SCN8A: variants seen among roughly 807,000 people sequenced by gnomAD.
The protein encoded by SCN8A is sodium channel protein type 8 subunit alpha.
In SCN8A, 30 loss-of-function variants were observed where a neutral mutation model predicts 184.1. That is an observed-to-expected ratio of 0.16 (90% CI 0.12 to 0.22). The LOEUF (loss-of-function observed/expected upper bound fraction) is 0.22. SCN8A is among the 10% of genes least tolerant of loss of function. The pLI is 1.00. For missense variants in SCN8A, 1,057 were observed against 2,498.9 expected (o/e 0.42, Z 12.30); for synonymous variants, 852 against 907.0 (o/e 0.94, Z 1.09).
intron 14 of SCN8A, among the ~76,000 whole-genome samples, chr12:51,758,835 A>C (rs545233906): frequency 6.6e-6 from 1 of 152,270 alleles, no homozygotes; most frequent in African/African-American, 2.4e-5. Context: ...TAGGAAGAAA[A>C]GCTTGCCTCA....
rs944418720 is a variant in SCN8A, at chr12:51,769,348, C to T, written c.3372+13C>T. 1.3e-6 allele frequency: 2 copies of T among 1,555,554 alleles called. No homozygotes were observed. The highest frequency in any genetic ancestry group is 1.7e-6 in the Non-Finnish European group (2 of 1,142,888). ...AGGCAGCAAAGATGTAAGGTCCCAG[C>T]CTAGAAACAGCCTTGATCCTGTGTG... On this transcript the variant is annotated intron_variant, in intron 17 of 26. Coordinates refer to ENST00000627620, the MANE Select transcript of SCN8A (RefSeq NM_001330260.2).
At chr12:51,697,525 G>A (rs1941615480) in intron 6 of SCN8A, among the ~76,000 whole-genome samples, 1 of 152,138 alleles carries the variant, frequency 6.6e-6, no homozygotes, top group African/African-American at 2.4e-5. Flanking sequence ...AGCAAAAGAA[G>A]AATCATGTCC....
chr12:51,702,716 G>A, intron 8 of SCN8A, 57 bp from the exon 9 acceptor site: 2 of 1,388,526 alleles, frequency 1.4e-6, no homozygotes, highest in Non-Finnish European at 1.9e-6. Context: ...TTATCTCCAA[G>A]GTCATGGCTG....
chr12:51,608,090 G>A (rs566581251), intron 1 of SCN8A, among the ~76,000 whole-genome samples: 4 of 147,464 alleles, frequency 2.7e-5, no homozygotes, highest in Admixed American at 2.1e-4. Context: ...GCGTGATCTC[G>A]GCTCACTGCA....
chr12:51,604,458 C>G (rs929410558), intron 1 of SCN8A, among the ~76,000 whole-genome samples: 1 of 152,032 alleles, frequency 6.6e-6, no homozygotes, highest in African/African-American at 2.4e-5. Flanking sequence ...ACCACACGGT[C>G]TCTTTTTTCC....
chr12:51,734,370 A>G (rs913445945), intron 12 of SCN8A, among the ~76,000 whole-genome samples: 3 of 152,236 alleles, frequency 2.0e-5, no homozygotes, highest in Admixed American at 2.0e-4. Flanking sequence ...CAAACCAGTC[A>G]TTAGCATTAC....
At chr12:51,644,053 A>AT (rs1387820599) in intron 1 of SCN8A, among the ~76,000 whole-genome samples, 1 of 152,216 alleles carries the variant, frequency 6.6e-6, no homozygotes, top group South Asian at 2.1e-4. Context: ...TTGATGATAG[A>AT]TTTTGAGTCA....
At chr12:51,664,188 A>G (rs1234961182) in intron 2 of SCN8A, among the ~76,000 whole-genome samples, 7 of 151,712 alleles carry the variant, frequency 4.6e-5, no homozygotes, top group African/African-American at 1.7e-4. Flanking sequence ...TGATTCTACC[A>G]TAATTTACCA....
chr12:51,699,057 C>T (rs1010970989), intron 6 of SCN8A, among the ~76,000 whole-genome samples: 1 of 152,202 alleles, frequency 6.6e-6, no homozygotes, highest in African/African-American at 2.4e-5. Flanking sequence ...ACAAATGCTA[C>T]AGAAGAAAGT....
intron 1 of SCN8A, among the ~76,000 whole-genome samples, chr12:51,645,189 G>C (rs1422360467): frequency 3.4e-5 from 5 of 147,140 alleles, no homozygotes; most frequent in African/African-American, 1.3e-4. Flanking sequence ...CAGCCGCCCT[G>C]TCCGGGAGGG....
chr12:51,807,377 G>A lies in SCN8A; in HGVS notation c.5891G>A (p.Gly1964Glu). ...GAGAAACAGCAGCGGGCAGAGGAAG[G>A]AAGAAGGGAAAGAGCCAAAAGACAA... ...EKEKQQRAEE[G>E]RRERAKRQKE... The change falls in exon 27 of 27, where the codon GGA (glycine) becomes GAA (glutamate). Residue 1964 changes from glycine to glutamate, a missense_variant. Around this residue, in one of 19 missense-constraint regions of SCN8A, gnomAD observed 95 missense variants for 140.2 expected, o/e 0.68. Transcript: ENST00000627620. This position sits in a 1 kb window ranked among gnomAD's most constrained non-coding sequence, Gnocchi z 4.5. 6.2e-7 allele frequency: 1 copy of A among 1,613,366 alleles called. No individual in the cohort carries two copies. Among genetic ancestry groups the A allele is most frequent in the East Asian group, 2.2e-5 (1 of 44,870 alleles).
At chr12:51,681,598 T>C (rs141569737) in intron 2 of SCN8A, among the ~76,000 whole-genome samples, 306 of 152,288 alleles carry the variant, frequency 2.0e-3, no homozygotes, top group Middle Eastern at 6.8e-3. Flanking sequence ...ACCCTAGGTC[T>C]CCTACTTCTC....
chr12:51,599,655 G>A (rs1939423666), intron 1 of SCN8A, among the ~76,000 whole-genome samples: 1 of 152,162 alleles, frequency 6.6e-6, no homozygotes, highest in Non-Finnish European at 1.5e-5. Context: ...TAGGAATATT[G>A]GGCAGCAGTG....
At chr12:51,676,302 T>G (rs1441218961) in intron 2 of SCN8A, among the ~76,000 whole-genome samples, 1 of 152,208 alleles carries the variant, frequency 6.6e-6, no homozygotes, top group South Asian at 2.1e-4. Context: ...TATTGTAATT[T>G]TACTTGAGGA....
chr12:51,676,645 G>A (rs1213034133), intron 2 of SCN8A, among the ~76,000 whole-genome samples: 33 of 152,194 alleles, frequency 2.2e-4, no homozygotes, highest in Admixed American at 2.2e-3. Flanking sequence ...TAAGGCCAGA[G>A]AAGTTGGCTA....
chr12:51,680,331 C>T (rs1323252547), intron 2 of SCN8A, among the ~76,000 whole-genome samples: 1 of 152,184 alleles, frequency 6.6e-6, no homozygotes, highest in Non-Finnish European at 1.5e-5. Flanking sequence ...GTAAAGCCTT[C>T]TGCTTACAAA....
chr12:51,759,635 C>T (rs185697024), intron 14 of SCN8A, among the ~76,000 whole-genome samples: 42 of 152,272 alleles, frequency 2.8e-4, no homozygotes, highest in South Asian at 6.2e-4. Flanking sequence ...TGGAAAAGAG[C>T]GGACCATGTG....
intron 14 of SCN8A, among the ~76,000 whole-genome samples, chr12:51,757,607 G>C (rs1334824737): frequency 1.3e-5 from 2 of 152,170 alleles, no homozygotes; most frequent in Non-Finnish European, 2.9e-5. Flanking sequence ...GGCATTACAA[G>C]TTATCAGGCA....
chr12:51,807,850 A>G lies in SCN8A; in HGVS notation c.*421A>G, dbSNP rs1166021243. Reference sequence around the variant, plus strand: ...GTTTGTTCATGCAAACTATATTTGCATTCTTACATTAGTTAAGCTAAGCAG... The same window carrying G: ...GTTTGTTCATGCAAACTATATTTGCGTTCTTACATTAGTTAAGCTAAGCAG... On this transcript the variant is annotated 3_prime_UTR_variant, in exon 27 of 27. Coordinates refer to ENST00000627620, the MANE Select transcript of SCN8A (RefSeq NM_001330260.2). The surrounding 1 kb of genome is among the most constrained non-coding windows in gnomAD (Gnocchi z 4.5). The G allele has an allele frequency of 4.7e-6, 1 of 214,124 alleles. No individual in the cohort carries two copies. Among genetic ancestry groups the G allele is most frequent in the African/African-American group, 2.3e-5 (1 of 43,026 alleles). 13.3% of individuals were successfully genotyped at this position (214,124 alleles called of 1,614,324 possible).
Sources: gnomAD v4.1 joint callset for allele counts (sites outside exome capture counted in the v4.1 genomes callset) on GRCh38, gnomAD v4.1.1 for gene constraint, gnomAD v4.1.1 regional missense constraint, Gnocchi (gnomAD v3.1) non-coding constraint, MANE v1.5 for transcripts, NCBI Gene and HGNC (gene_info 2026-07-23, HGNC 2026-07-21) for gene names.